The following PRRX2 variants were observed in gnomAD, a reference collection of about 807,000 sequenced individuals.
PRRX2 encodes the protein paired mesoderm homeobox protein 2.
In PRRX2, 11 loss-of-function variants were observed where a neutral mutation model predicts 18.0. The observed-to-expected ratio is 0.61, with a 90% CI of 0.39 to 1.01. The LOEUF (loss-of-function observed/expected upper bound fraction) is 1.01. Among genes scored for constraint, PRRX2 ranks in the 50% least tolerant of loss-of-function variants. The probability of loss-of-function intolerance (pLI) is 0.01; values close to 1 mark genes in which losing one functional copy is unlikely to be tolerated. For synonymous variants in PRRX2, 177 were observed against 154.8 expected (o/e 1.14, Z -1.06); for missense variants, 387 against 351.0 (o/e 1.10, Z -0.82).
chr9:129,684,532 A>ACACACACACACCC (rs1165343797), intron 1 of PRRX2, among the ~76,000 whole-genome samples: 2 of 140,280 alleles, frequency 1.4e-5, no homozygotes, highest in South Asian at 2.3e-4. Flanking sequence ...ACCCACACAC[A>ACACACACACACCC]CCCCAACAGA....
intron 1 of PRRX2, among the ~76,000 whole-genome samples, chr9:129,677,140 A>G (rs541397445): frequency 7.3e-4 from 111 of 152,338 alleles, no homozygotes; most frequent in African/African-American, 2.5e-3. Context: ...CCCAGTGAAC[A>G]GGCCAGCCCT....
rs149496745 is a variant in PRRX2, at chr9:129,680,162, G to A, written c.259+14036G>A. 4.4e-3 allele frequency among the ~76,000 whole-genome samples: 665 copies of A among 152,172 alleles called. 1 individual carries two copies. The highest frequency in any genetic ancestry group is 7.0e-3 in the Non-Finnish European group (476 of 68,010). ...CATGCCTGTAATCTCAGCACTTTGG[G>A]AGGCTGAGAAGGGTGGATCACCTGA... On this transcript the variant is annotated intron_variant, in intron 1 of 3. Coordinates refer to ENST00000372469, the MANE Select transcript of PRRX2 (RefSeq NM_016307.4).
In PRRX2 at chr9:129,719,404, G is replaced by T; in HGVS notation, c.433G>T (p.Glu145Ter). 6.5e-7 allele frequency: 1 copy of T among 1,538,696 alleles called. No individual in the cohort carries two copies. The highest frequency in any genetic ancestry group is 1.2e-5 in the South Asian group (1 of 83,496). Residue 145 changes from glutamate to a stop codon, truncating the protein, a stop_gained, in exon 2 of 4, where the codon GAG (glutamate) becomes TAG (stop). Coordinates refer to ENST00000372469, the MANE Select transcript of PRRX2 (RefSeq NM_016307.4). LOFTEE classifies it high-confidence loss of function. ...EELARRVNLS[E>*]ARVQVWFQNR... ...GCTTGCCCGGCGCGTCAACCTCAGC[G>T]AGGCGCGCGTTCAGGTGAGCGCTCA...
chr9:129,706,777 G>T (rs1190338948), intron 1 of PRRX2, among the ~76,000 whole-genome samples: 1 of 152,070 alleles, frequency 6.6e-6, no homozygotes, highest in Non-Finnish European at 1.5e-5. Flanking sequence ...TGATTTTTTA[G>T]TATATTCAGT....
At chr9:129,712,908 A>G (rs1452789432) in intron 1 of PRRX2, 1 of 152,174 alleles carries the variant, frequency 6.6e-6, no homozygotes, top group Non-Finnish European at 1.5e-5. Flanking sequence ...AGGCTTAGAG[A>G]GTATTTATTT....
chr9:129,685,761 C>T (rs896196303), intron 1 of PRRX2, among the ~76,000 whole-genome samples: 10 of 152,274 alleles, frequency 6.6e-5, no homozygotes, highest in South Asian at 4.1e-4. Flanking sequence ...GACTTAAGGG[C>T]GTGGTTTGTG....
chr9:129,702,873 G>A (rs951432871), intron 1 of PRRX2, among the ~76,000 whole-genome samples: 8 of 152,238 alleles, frequency 5.3e-5, no homozygotes, highest in Admixed American at 5.2e-4. Flanking sequence ...GGCAAGGGGG[G>A]CGGGGCAGCT....
At chr9:129,678,213 C>T (rs1163293366) in intron 1 of PRRX2, among the ~76,000 whole-genome samples, 1 of 152,128 alleles carries the variant, frequency 6.6e-6, no homozygotes, top group Non-Finnish European at 1.5e-5. Context: ...ATCCGCCTGC[C>T]TCGACCTCCC....
intron 1 of PRRX2, among the ~76,000 whole-genome samples, chr9:129,684,532 A>ACACCCCCCCCCC (rs1165343797): frequency 7.1e-6 from 1 of 140,282 alleles, no homozygotes; most frequent in Admixed American, 7.0e-5. Context: ...ACCCACACAC[A>ACACCCCCCCCCC]CCCCAACAGA....
chr9:129,696,844 G>C (rs925863903), intron 1 of PRRX2, among the ~76,000 whole-genome samples: 6 of 152,170 alleles, frequency 3.9e-5, no homozygotes, highest in Non-Finnish European at 8.8e-5. Context: ...GGCGCCCCGG[G>C]TGAAGGTGAC....
intron 1 of PRRX2, among the ~76,000 whole-genome samples, chr9:129,693,097 C>T (rs1023217811): frequency 8.5e-5 from 13 of 152,082 alleles, no homozygotes; most frequent in East Asian, 1.9e-4. Flanking sequence ...TTCTAATAGC[C>T]GTGTGGTGGT....
At chr9:129,707,459 T>C (rs1832570850) in intron 1 of PRRX2, among the ~76,000 whole-genome samples, 1 of 152,120 alleles carries the variant, frequency 6.6e-6, no homozygotes, top group Admixed American at 6.6e-5. Flanking sequence ...TTGAAGGACA[T>C]GTGGGTTGCT....
At chr9:129,685,204 G>C (rs1001988625) in intron 1 of PRRX2, among the ~76,000 whole-genome samples, 2 of 152,170 alleles carry the variant, frequency 1.3e-5, no homozygotes, top group African/African-American at 4.8e-5. Context: ...GGGCAAGTTG[G>C]GGTCTGGCTG....
chr9:129,707,586 T>G (rs1832572792), intron 1 of PRRX2, among the ~76,000 whole-genome samples: 1 of 151,768 alleles, frequency 6.6e-6, no homozygotes, highest in Non-Finnish European at 1.5e-5. Flanking sequence ...AGGTCAGGAG[T>G]TCGAGACCAG....
chr9:129,673,947 C>T (rs575717686), intron 1 of PRRX2, among the ~76,000 whole-genome samples: 3 of 152,096 alleles, frequency 2.0e-5, no homozygotes, highest in Non-Finnish European at 4.4e-5. Context: ...GTCAGCATCC[C>T]GCAGGTAGGG....
intron 1 of PRRX2, chr9:129,718,461 G>C (rs114723853): frequency 6.6e-6 from 1 of 152,410 alleles, no homozygotes; most frequent in Non-Finnish European, 1.5e-5. Flanking sequence ...CCTCTGGTTG[G>C]TCTCTCCCCG....
chr9:129,720,013 T>C (rs1018961194), intron 2 of PRRX2, among the ~76,000 whole-genome samples: 4 of 150,000 alleles, frequency 2.7e-5, no homozygotes, highest in South Asian at 2.1e-4. Flanking sequence ...AACAAACAAA[T>C]AAAAATAAAT....
At chr9:129,686,260 G>C (rs117981354) in intron 1 of PRRX2, among the ~76,000 whole-genome samples, 2,364 of 152,322 alleles carry the variant, frequency 0.016, 167 homozygotes, top group Admixed American at 0.11. Context: ...AGGGTGAGGG[G>C]AGTGAGATGC....
At chr9:129,691,854 A>G (rs61452737) in intron 1 of PRRX2, among the ~76,000 whole-genome samples, 3,419 of 150,570 alleles carry the variant, frequency 0.023, 144 homozygotes, top group African/African-American at 0.079. Flanking sequence ...AATTAAAAAA[A>G]TTTTTTTTGT....
Sources: allele counts gnomAD v4.1 joint callset (sites outside exome capture counted in the v4.1 genomes callset), GRCh38; gene constraint gnomAD v4.1.1; transcripts MANE v1.5; gene names NCBI Gene and HGNC (gene_info 2026-07-23, HGNC 2026-07-21).